Variants in BICRA observed in about 807,000 individuals in gnomAD.
BICRA encodes BRD4 interacting chromatin remodeling complex associated protein.
BICRA carries 31 observed loss-of-function variants against 96.9 expected under a neutral mutation model. The observed-to-expected ratio is 0.32, with a 90% confidence interval of 0.24 to 0.43. The LOEUF (loss-of-function observed/expected upper bound fraction) is 0.43. Ranked by LOEUF, BICRA falls within the 20% of genes least tolerant of loss-of-function variation. The probability of loss-of-function intolerance (pLI) is 1.00; values close to 1 mark genes in which losing one functional copy is unlikely to be tolerated. For synonymous variants in BICRA, 1,350 were observed against 1,071.8 expected (o/e 1.26, Z -5.07); for missense variants, 2,283 against 2,190.3 (o/e 1.04, Z -0.84).
At chr19:47,685,786 T>TGTGTGTGTGTGTGTGCGCGCGCGCGCGC in intron 7 of BICRA, among the ~76,000 whole-genome samples, 6 of 117,968 alleles carry the variant, frequency 5.1e-5, no homozygotes, top group East Asian at 7.0e-4. Context: ...TGTGTGTGTG[T>TGTGTGTGTGTGTGTGCGCGCGCGCGCGC]GCGCGCGCGC....
chr19:47,639,559 G>A (rs1303941585), intron 1 of BICRA, among the ~76,000 whole-genome samples: 4 of 150,140 alleles, frequency 2.7e-5, no homozygotes. Context: ...TCGATCTCCT[G>A]ACCTCGTGAT....
rs747160719 is a variant in BICRA, at chr19:47,694,634, C to A, written c.2803C>A (p.Pro935Thr). The change falls in exon 8 of 15, where the codon CCC (proline) becomes ACC (threonine). Residue 935 changes from proline to threonine, a missense_variant. Pro to Thr is a conservative substitution (Grantham distance 38, BLOSUM62 -1). Transcript: ENST00000594866. ...CCACCTGGTCCCTGAGCCGGCAGCA[C>A]CCCCCCCACCGCCTCCTCGGACCTT... ...TLHLVPEPAA[P>T]PPPPPRTFQM... 6.7e-7 allele frequency: 1 copy of A among 1,486,482 alleles called. No homozygotes were observed. Among genetic ancestry groups the A allele is most frequent in the South Asian group, 1.1e-5 (1 of 87,862 alleles). 92.1% of individuals were successfully genotyped at this position (1,486,482 alleles called of 1,614,324 possible).
At chr19:47,666,282 CTTTTTCTTTTTCTTCT>C (rs1826181065) in intron 1 of BICRA, among the ~76,000 whole-genome samples, 1 of 118,104 alleles carries the variant, frequency 8.5e-6, no homozygotes. Context: ...TTCTTTTTTT[CTTTTTCTTTTTCTTCT>C]TTTTTTTTTT....
rs531813617 is a variant in BICRA, at chr19:47,678,496, G to T, written c.151-825G>T. ...GGGCTTGGGCTGGATGGGCATGGGC[G>T]TGCGATGCAGGATCACGTTGGGCGC... On this transcript the variant is annotated intron_variant, in intron 5 of 14. Coordinates refer to ENST00000594866, the MANE Select transcript of BICRA (RefSeq NM_001394372.1). Among the ~76,000 whole-genome samples, 17 of 152,294 alleles carry T rather than the reference G, an allele frequency of 1.1e-4. No individual in the cohort carries two copies. In the South Asian group the frequency reaches 3.5e-3, roughly 32 times the overall value.
rs1972528554 is a variant in BICRA, at chr19:47,650,754, C to T, written c.-107-19689C>T. Among the ~76,000 whole-genome samples, 3 of 152,218 alleles carry T rather than the reference C, an allele frequency of 2.0e-5. No homozygotes were observed. The South Asian group carries it at 6.2e-4, about 32-fold the overall frequency. ...TCATCTCTTCTCTTAATAAGGTGAT[C>T]AGTAGCTTTGGGACCAGCAGAATGC... On this transcript the variant is annotated intron_variant, in intron 1 of 14. Coordinates refer to ENST00000594866, the MANE Select transcript of BICRA (RefSeq NM_001394372.1).
In BICRA at chr19:47,701,779, G is replaced by GCCA. The variant is rs1170922852; in HGVS notation, c.4056_4058dup (p.Pro1355dup). ...AGGTGGCCGAGCCCCCGCCACGGCC[G>GCCA]CCACCACCACCGCCGCCCACGGGCC... On this transcript the variant is annotated inframe_insertion, in exon 15 of 15. Transcript: ENST00000594866. The surrounding 1 kb of genome is among the most constrained non-coding windows in gnomAD (Gnocchi z 5.4). 21 of 1,535,550 alleles carry GCCA rather than the reference G, an allele frequency of 1.4e-5. No individual in the cohort carries two copies. Among genetic ancestry groups the GCCA allele is most frequent in the African/African-American group, 4.2e-5 (3 of 72,234 alleles).
At chr19:47,658,537 C>T (rs912975557) in intron 1 of BICRA, among the ~76,000 whole-genome samples, 5 of 145,896 alleles carry the variant, frequency 3.4e-5, no homozygotes, top group Admixed American at 7.1e-5. Flanking sequence ...GAGGCTAAGG[C>T]GGGAGGATTG....
chr19:47,645,434 G>A (rs1972445188), intron 1 of BICRA, among the ~76,000 whole-genome samples: 1 of 152,140 alleles, frequency 6.6e-6, no homozygotes, highest in Admixed American at 6.5e-5. Context: ...CCAAAGGGCT[G>A]GTCATCATCT....
At chr19:47,621,776 A>C (rs1237718932) in intron 1 of BICRA, among the ~76,000 whole-genome samples, 1 of 148,424 alleles carries the variant, frequency 6.7e-6, no homozygotes, top group Non-Finnish European at 1.5e-5. Context: ...GCCTGAATTG[A>C]GAGACTTCTT....
intron 7 of BICRA, among the ~76,000 whole-genome samples, chr19:47,687,503 T>C (rs1973176609): frequency 6.6e-6 from 1 of 152,130 alleles, no homozygotes; most frequent in Non-Finnish European, 1.5e-5. Context: ...AAAACTCCTA[T>C]AAGATATTCT....
intron 1 of BICRA, among the ~76,000 whole-genome samples, chr19:47,630,173 T>A (rs1419851014): frequency 6.8e-6 from 1 of 147,832 alleles, no homozygotes. Flanking sequence ...TTTTTTTTTT[T>A]TTTTTGAGAT....
At chr19:47,686,661 G>C (rs1487073086) in intron 7 of BICRA, among the ~76,000 whole-genome samples, 4 of 152,354 alleles carry the variant, frequency 2.6e-5, no homozygotes, top group Admixed American at 2.0e-4. Context: ...TGAGATTACA[G>C]GCGTGAGCCA....
chr19:47,680,677 C>T lies in BICRA; in HGVS notation c.1507C>T (p.Pro503Ser). 1 of 1,604,800 alleles carries T rather than the reference C, an allele frequency of 6.2e-7. No homozygotes were observed. Among genetic ancestry groups the T allele is most frequent in the East Asian group, 2.2e-5 (1 of 44,710 alleles). The change falls in exon 6 of 15, where the codon CCC becomes TCC. Residue 503 changes from proline (P) to serine (S), a missense_variant. Physicochemically the swap from Pro to Ser is moderately conservative, Grantham distance 74. Transcript: ENST00000594866. ...CGGGCAGATCCTGGCGGCCGCTGCC[C>T]CCCACACAGGTGGACAGCTCATCGC... ...VGGQILAAAA[P>S]HTGGQLIANP...
chr19:47,677,991 G>C (rs1165113153), intron 5 of BICRA, among the ~76,000 whole-genome samples: 1 of 152,218 alleles, frequency 6.6e-6, no homozygotes, highest in Non-Finnish European at 1.5e-5. Context: ...TTCTGGTCAG[G>C]TTTTGCTGCC....
chr19:47,694,774 A>G, intron 8 of BICRA, 48 bp downstream of exon 8: 1 of 927,972 alleles, frequency 1.1e-6, no homozygotes, highest in African/African-American at 1.8e-5. Flanking sequence ...ATCCCATCCC[A>G]CCCTCTCAGT....
chr19:47,634,997 C>T (rs1368159952), intron 1 of BICRA, among the ~76,000 whole-genome samples: 3 of 152,094 alleles, frequency 2.0e-5, no homozygotes, highest in African/African-American at 7.2e-5. Context: ...CTCCTGACCT[C>T]GTTATCCGCC....
intron 7 of BICRA, 53 bp downstream of exon 7, chr19:47,682,205 C>T: frequency 1.4e-6 from 1 of 738,962 alleles, no homozygotes; most frequent in Non-Finnish European, 2.2e-6. Flanking sequence ...CCTCGCCCCT[C>T]CTGCCCGCTC....
rs191805502 is a variant in BICRA, at chr19:47,614,772, C to T, written c.-108+5604C>T. Among the ~76,000 whole-genome samples, 269 of 152,262 alleles carry T rather than the reference C, an allele frequency of 1.8e-3. 1 individual carries two copies. Among genetic ancestry groups the T allele is most frequent in the African/African-American group, 6.3e-3 (261 of 41,546 alleles). On this transcript the variant is annotated intron_variant, in intron 1 of 14. Coordinates refer to ENST00000594866, the MANE Select transcript of BICRA (RefSeq NM_001394372.1). ...TCTTTTTCTTGGCTGCATGGTATTC[C>T]TCTGTGTGGGTGAATCCTCCTTTAC...
At chr19:47,625,920 G>T (rs538144765) in intron 1 of BICRA, among the ~76,000 whole-genome samples, 4 of 152,094 alleles carry the variant, frequency 2.6e-5, no homozygotes, top group Non-Finnish European at 5.9e-5. Context: ...GCTCGACATG[G>T]AGAGGCGCCT....
Sources: allele counts gnomAD v4.1 joint callset (sites outside exome capture counted in the v4.1 genomes callset), GRCh38; gene constraint gnomAD v4.1.1; non-coding constraint Gnocchi (gnomAD v3.1); transcripts MANE v1.5; gene names NCBI Gene and HGNC (gene_info 2026-07-23, HGNC 2026-07-21).